Variants in COL21A1 observed in about 807,000 individuals in gnomAD.
COL21A1 encodes collagen type XXI alpha 1 chain.
In COL21A1, 149 loss-of-function variants were observed where a neutral mutation model predicts 137.9. The ratio of observed to expected loss-of-function variants is 1.08; its 90% CI spans 0.95 to 1.24. COL21A1 has a LOEUF of 1.24. Ranked by LOEUF, COL21A1 falls within the 50% of genes most tolerant of loss-of-function variation. The pLI, the probability that COL21A1 is intolerant of heterozygous loss-of-function variation, is 0.00. For synonymous variants in COL21A1, 456 were observed against 391.5 expected (o/e 1.16, Z -1.95); for missense variants, 1,167 against 1,158.4 (o/e 1.01, Z -0.11).
chr6:56,118,244 G>A (rs1467896953), intron 16 of COL21A1, among the ~76,000 whole-genome samples: 1 of 151,130 alleles, frequency 6.6e-6, no homozygotes. Context: ...AAATGAGAAA[G>A]GAGATATTAT....
chr6:56,308,246 G>GCTTCCATCTT (rs1562049272), intron 1 of COL21A1, among the ~76,000 whole-genome samples: 2 of 152,130 alleles, frequency 1.3e-5, no homozygotes, highest in Non-Finnish European at 2.9e-5. Context: ...TAGCTTACCA[G>GCTTCCATCTT]CTTCCATCTT....
intron 9 of COL21A1, among the ~76,000 whole-genome samples, chr6:56,163,746 T>C (rs929892730): frequency 1.3e-5 from 2 of 151,904 alleles, no homozygotes; most frequent in Non-Finnish European, 2.9e-5. Flanking sequence ...TTAAATTGCA[T>C]AGAAAAATAT....
intron 1 of COL21A1, among the ~76,000 whole-genome samples, chr6:56,253,819 A>C (rs549233186): frequency 6.6e-6 from 1 of 152,348 alleles, no homozygotes; most frequent in South Asian, 2.1e-4. Flanking sequence ...GAGCTTGGCA[A>C]CAATAATAAC....
At chr6:56,058,500 G>A (rs2114017373) in intron 29 of COL21A1, among the ~76,000 whole-genome samples, 1 of 152,190 alleles carries the variant, frequency 6.6e-6, no homozygotes, top group Non-Finnish European at 1.5e-5. Flanking sequence ...AGTGGTTTGG[G>A]CCACTTCTTA....
At chr6:56,102,993 G>T (rs1770585679) in intron 16 of COL21A1, among the ~76,000 whole-genome samples, 1 of 152,066 alleles carries the variant, frequency 6.6e-6, no homozygotes. Context: ...AGTTTAAAAA[G>T]CCTGAAAAAT....
At chr6:56,276,974 A>ATTTATTTTTATTTTTATT (rs60178322) in intron 1 of COL21A1, among the ~76,000 whole-genome samples, 6 of 147,480 alleles carry the variant, frequency 4.1e-5, no homozygotes, top group African/African-American at 1.3e-4. Flanking sequence ...CGCCTGGCTA[A>ATTTATTTTTATTTTTATT]TTTATTTTTA....
At chr6:56,306,518 C>T (rs112639723) in intron 1 of COL21A1, among the ~76,000 whole-genome samples, 12,244 of 152,238 alleles carry the variant, frequency 0.08, 546 homozygotes, top group Middle Eastern at 0.14. Flanking sequence ...TCCAGTTGAT[C>T]GAATTGGCTA....
intron 9 of COL21A1, among the ~76,000 whole-genome samples, chr6:56,160,771 T>C (rs2152264029): frequency 6.6e-6 from 1 of 152,290 alleles, no homozygotes; most frequent in Admixed American, 6.5e-5. Flanking sequence ...TCTTAAGTAA[T>C]GTAAATATAA....
chr6:56,229,349 TAGAG>T (rs1422421107), intron 1 of COL21A1, among the ~76,000 whole-genome samples: 1 of 151,978 alleles, frequency 6.6e-6, no homozygotes, highest in African/African-American at 2.4e-5. Flanking sequence ...GCCTGGCCAA[TAGAG>T]AGAGACCCTG....
chr6:56,229,688 G>C (rs901838713), intron 1 of COL21A1, among the ~76,000 whole-genome samples: 2 of 151,832 alleles, frequency 1.3e-5, no homozygotes, highest in African/African-American at 4.8e-5. Context: ...CCAAGGTAAG[G>C]GTAAAGAGCT....
intron 14 of COL21A1, among the ~76,000 whole-genome samples, chr6:56,125,213 G>C (rs12154070): frequency 0.072 from 10,814 of 150,092 alleles, 428 homozygotes; most frequent in Middle Eastern, 0.12. Context: ...TAGAGACAGG[G>C]TTTTACCATG....
chr6:56,182,634 C>T lies in COL21A1; in HGVS notation c.-16G>A. On this transcript the variant is annotated 5_prime_UTR_variant, in exon 2 of 30. Coordinates refer to ENST00000244728, the MANE Select transcript of COL21A1 (RefSeq NM_030820.4). ...AGTGAGCCATGTTTCTGTTTTCGTT[C>T]TAATATTTTGGTTTTAGGATTCCTA... The T allele has an allele frequency of 1.3e-6, 2 of 1,574,112 alleles. No homozygotes were observed. The highest frequency in any genetic ancestry group is 1.7e-6 in the Non-Finnish European group (2 of 1,155,358).
chr6:56,209,009 T>A (rs1779979507), intron 1 of COL21A1, among the ~76,000 whole-genome samples: 1 of 152,130 alleles, frequency 6.6e-6, no homozygotes, highest in African/African-American at 2.4e-5. Context: ...CCTTACATCT[T>A]ATAAAAAAAT....
chr6:56,372,930 A>T (rs1387600408), intron 1 of COL21A1, among the ~76,000 whole-genome samples: 3 of 152,146 alleles, frequency 2.0e-5, no homozygotes, highest in African/African-American at 7.2e-5. Context: ...AAAATGTCAG[A>T]TGTTTGATTT....
chr6:56,112,680 C>CTTTTTTTTTTTTTTTTTTTTTTT lies in COL21A1; in HGVS notation c.1759-11156_1759-11155insAAAAAAAAAAAAAAAAAAAAAAA, dbSNP rs777172358. Among the ~76,000 whole-genome samples, 2 of 129,678 alleles carry CTTTTTTTTTTTTTTTTTTTTTTT rather than the reference C, an allele frequency of 1.5e-5. 1 individual carries two copies. The allele number at this position is 129,678 out of a possible 152,430, so 85.1% of individuals were successfully genotyped here. ...CACAGAAGAAGTTTTTTTTTCTTTTCTTTTTTCTTTTTTTTTTTTTTGAGA... is the reference window on the plus strand; with the variant it reads ...CACAGAAGAAGTTTTTTTTTCTTTTCTTTTTTTTTTTTTTTTTTTTTTTTTTTTTCTTTTTTTTTTTTTTGAGA... On this transcript the variant is annotated intron_variant, in intron 16 of 29. Coordinates refer to ENST00000244728, the MANE Select transcript of COL21A1 (RefSeq NM_030820.4).
At chr6:56,186,252 T>C (rs541644385) in intron 1 of COL21A1, among the ~76,000 whole-genome samples, 2 of 152,294 alleles carry the variant, frequency 1.3e-5, no homozygotes, top group South Asian at 4.1e-4. Context: ...AAAAATCACA[T>C]GAACATCTCA....
At chr6:56,141,641 T>C in intron 12 of COL21A1, 144 bp downstream of exon 12, 1 of 756,852 alleles carries the variant, frequency 1.3e-6, no homozygotes, top group East Asian at 2.6e-5. Flanking sequence ...ATAAGCTTTA[T>C]TGTCTAATAG....
intron 1 of COL21A1, among the ~76,000 whole-genome samples, chr6:56,235,658 T>G (rs552643836): frequency 6.6e-6 from 1 of 151,946 alleles, no homozygotes; most frequent in Non-Finnish European, 1.5e-5. Flanking sequence ...TAACACCTGA[T>G]GTCAGCCTGG....
chr6:56,126,332 T>A, intron 12 of COL21A1, 183 bp from the exon 13 acceptor site: 1 of 538,786 alleles, frequency 1.9e-6, no homozygotes, highest in South Asian at 2.4e-5. Flanking sequence ...GTTTCATTTA[T>A]AATCAGAGAA....
Sources: gnomAD v4.1 joint callset for allele counts (sites outside exome capture counted in the v4.1 genomes callset) on GRCh38, gnomAD v4.1.1 for gene constraint, MANE v1.5 for transcripts, NCBI Gene and HGNC (gene_info 2026-07-23, HGNC 2026-07-21) for gene names.